The following USH2A variants were observed in gnomAD, a reference collection of about 807,000 sequenced individuals.
USH2A encodes the protein Usher syndrome 2A (autosomal recessive, mild).
Under a neutral mutation model 538.9 loss-of-function variants are expected in USH2A, and 443 were observed. That is an observed-to-expected ratio of 0.82 (90% confidence interval 0.76 to 0.89). USH2A has a LOEUF of 0.89. Ranked by LOEUF, USH2A falls within the 40% of genes least tolerant of loss-of-function variation. USH2A has a pLI of 0.00. For synonymous variants in USH2A, 2,413 were observed against 2,273.5 expected, an observed-to-expected ratio of 1.06 and a Z score of -1.75; for missense variants, 6,633 against 6,324.8, an observed-to-expected ratio of 1.05 and a Z score of -1.65.
At chr1:216,097,285 CT>C in intron 21 of USH2A, 72 bp from the exon 22 acceptor site, 1 of 1,611,042 alleles carries the variant, frequency 6.2e-7, no homozygotes, top group South Asian at 1.1e-5. Context: ...TGTACATTTA[CT>C]TTCATTATTA....
chr1:216,322,077 G>T lies in USH2A; in HGVS notation c.1551-101C>A, dbSNP rs192106325. 9.0e-6 allele frequency: 10 copies of T among 1,108,456 alleles called. 1 individual carries two copies. In the Admixed American group the frequency reaches 1.1e-4, roughly 12 times the overall value. 68.7% of individuals were successfully genotyped at this position (1,108,456 alleles called of 1,614,324 possible). A position where few individuals can be genotyped will look rare whatever the true frequency, so the allele number is the denominator to read the frequency against. On this transcript the variant is annotated intron_variant, in intron 8 of 71. Coordinates refer to ENST00000307340, the MANE Select transcript of USH2A (RefSeq NM_206933.4). ...TGCATTATGTGAATTTAACAGGGAA[G>T]ATTTTTGTATATTTAATTGATACAA... is the stretch of plus-strand genomic sequence containing the variant.
At chr1:215,630,681 C>T (rs1213144617) in intron 70 of USH2A, among the ~76,000 whole-genome samples, 1 of 150,572 alleles carries the variant, frequency 6.6e-6, no homozygotes, top group Admixed American at 6.6e-5. Flanking sequence ...GGTGAAACCC[C>T]GTCTCTACTA....
intron 51 of USH2A, among the ~76,000 whole-genome samples, chr1:215,788,952 A>T (rs898725446): frequency 6.6e-6 from 1 of 152,094 alleles, no homozygotes; most frequent in Non-Finnish European, 1.5e-5. Context: ...AAAACAAAAA[A>T]ACAGGGGAAT....
rs201764770 is a variant in USH2A at position 216,366,582 on chromosome 1, TC to T, written c.652-1498del. Among the ~76,000 whole-genome samples, 20 of 150,268 alleles carry T rather than the reference TC, an allele frequency of 1.3e-4. 1 individual carries two copies. Among genetic ancestry groups the T allele is most frequent in the African/African-American group, 3.9e-4 (16 of 40,892 alleles). On this transcript the variant is annotated intron_variant, in intron 3 of 71. Coordinates refer to ENST00000307340, the MANE Select transcript of USH2A (RefSeq NM_206933.4). ...ATTGCCTTAAAAATCTTTTTCAATG[TC>T]CCCCCCCAAAAAAACAAGCAAAACA... is the stretch of plus-strand genomic sequence containing the variant.
chr1:215,902,432 C>T (rs1017052101), intron 38 of USH2A, among the ~76,000 whole-genome samples: 1 of 152,156 alleles, frequency 6.6e-6, no homozygotes, highest in Admixed American at 6.6e-5. Context: ...AGGCTCCACT[C>T]TGTGCTAAGC....
In USH2A at chr1:216,187,102, G is replaced by A. The variant is rs188731148; in HGVS notation, c.4396+3121C>T. Among the ~76,000 whole-genome samples, 368 of 152,012 alleles carry A rather than the reference G, an allele frequency of 2.4e-3. 1 individual carries two copies. Among genetic ancestry groups the A allele is most frequent in the Non-Finnish European group, 3.9e-3 (263 of 67,910 alleles). ...TTGTATGTGCTCAGTAAATATCTGCGAAAGTCTTTACCATTCTTTTATAGT... is the reference window on the plus strand; with the variant it reads ...TTGTATGTGCTCAGTAAATATCTGCAAAAGTCTTTACCATTCTTTTATAGT... On this transcript the variant is annotated intron_variant, in intron 20 of 71. Transcript: ENST00000307340.
intron 60 of USH2A, among the ~76,000 whole-genome samples, chr1:215,739,501 C>T (rs1489149369): frequency 1.3e-5 from 2 of 152,128 alleles, no homozygotes; most frequent in Non-Finnish European, 2.9e-5. Flanking sequence ...TCCCTTTATT[C>T]TGAATAGGAA....
At chr1:216,403,447 G>C (rs56001063) in intron 3 of USH2A, among the ~76,000 whole-genome samples, 5,251 of 151,914 alleles carry the variant, frequency 0.035, 127 homozygotes, top group Middle Eastern at 0.078. Flanking sequence ...TAAGGAAAAA[G>C]AAATAAAAAC....
At chr1:215,642,714 C>T (rs563565678) in intron 67 of USH2A, among the ~76,000 whole-genome samples, 2 of 152,166 alleles carry the variant, frequency 1.3e-5, no homozygotes, top group Non-Finnish European at 2.9e-5. Flanking sequence ...TATAATGATA[C>T]GCTACAACCC....
chr1:215,627,425 C>CTTCCTTCCTTCTTTCCTTCCTTCT (rs1558027365), intron 71 of USH2A, among the ~76,000 whole-genome samples: 108 of 105,848 alleles, frequency 1.0e-3, no homozygotes, highest in Non-Finnish European at 1.4e-3. Context: ...TCCTTCCTTC[C>CTTCCTTCCTTCTTTCCTTCCTTCT]TTCCTTCCTT....
Position 216,062,207 on chromosome 1 carries a change from C to T in USH2A, c.6049+7894G>A, listed in dbSNP as rs116417611. On this transcript the variant is annotated intron_variant, in intron 30 of 71. Coordinates refer to ENST00000307340, the MANE Select transcript of USH2A (RefSeq NM_206933.4). ...AGAAACTTGTAAAATTTAAAAATCA[C>T]GAGTTGCATGCCATTAATTAGATCT... 2.4e-3 allele frequency among the ~76,000 whole-genome samples: 358 copies of T among 152,176 alleles called. 2 individuals carry two copies. Among genetic ancestry groups the T allele is most frequent in the African/African-American group, 8.2e-3 (341 of 41,530 alleles).
chr1:215,626,230 T>A (rs929967243), intron 71 of USH2A, among the ~76,000 whole-genome samples: 4 of 150,004 alleles, frequency 2.7e-5, no homozygotes, highest in South Asian at 2.1e-4. Context: ...ATATATATAT[T>A]TTTAGTATAT....
intron 48 of USH2A, among the ~76,000 whole-genome samples, chr1:215,815,020 AG>A (rs1389244402): frequency 6.6e-6 from 1 of 152,092 alleles, no homozygotes; most frequent in African/African-American, 2.4e-5. Context: ...TTAGCCAAAA[AG>A]CTTTTAAACC....
At chr1:215,644,522 A>G (rs1656787118) in intron 67 of USH2A, among the ~76,000 whole-genome samples, 1 of 152,226 alleles carries the variant, frequency 6.6e-6, no homozygotes, top group South Asian at 2.1e-4. Flanking sequence ...CAGCGGAAGA[A>G]GATCAACCAA....
chr1:216,304,217 C>T (rs2037271126), intron 9 of USH2A, among the ~76,000 whole-genome samples: 1 of 151,974 alleles, frequency 6.6e-6, no homozygotes. Context: ...GTCCTGTTTT[C>T]CACAAGGAAT....
chr1:216,375,674 C>G (rs531457001), intron 3 of USH2A, among the ~76,000 whole-genome samples: 1 of 152,072 alleles, frequency 6.6e-6, no homozygotes, highest in African/African-American at 2.4e-5. Context: ...TTTAATTTTC[C>G]CTCAAGAAAT....
At chr1:215,973,970 A>AC (rs58839750) in intron 35 of USH2A, among the ~76,000 whole-genome samples, 16 of 151,306 alleles carry the variant, frequency 1.1e-4, no homozygotes, top group African/African-American at 3.6e-4. Flanking sequence ...ACACACACAC[A>AC]AACACAGAGT....
In USH2A at chr1:216,175,456, C is replaced by T; in HGVS notation, c.4423G>A (p.Val1475Ile). ...AAPAQLRPPL[V>I]KGINSTTIHL... is the part of the protein sequence containing the mutation. ...ATTGTTGTGCTGTTGATTCCTTTAA[C>T]CAGAGGTGGCCTCAGTTGTGCTGGT... The change falls in exon 21 of 72, where the codon GTT becomes ATT. Residue 1475 changes from valine to isoleucine, a missense_variant. Coordinates refer to ENST00000307340, the MANE Select transcript of USH2A (RefSeq NM_206933.4). The T allele has an allele frequency of 1.2e-6, 2 of 1,613,744 alleles. No homozygotes were observed. The highest frequency in any genetic ancestry group is 1.1e-5 in the South Asian group (1 of 91,078).
Position 216,125,860 on chromosome 1 carries a change from T to C in USH2A, c.4628-28647A>G, listed in dbSNP as rs77770037. Among the ~76,000 whole-genome samples, 881 of 152,312 alleles carry C rather than the reference T, an allele frequency of 5.8e-3. 9 individuals carry two copies. The highest frequency in any genetic ancestry group is 0.02 in the African/African-American group (847 of 41,574). ...AAGGACTAGTTGATATCTTCCTTAA[T>C]TCCTTAATTCAATTAGCTGTCTGGC... On this transcript the variant is annotated intron_variant, in intron 21 of 71. Transcript: ENST00000307340.
Sources: allele counts gnomAD v4.1 joint callset (sites outside exome capture counted in the v4.1 genomes callset), GRCh38; gene constraint gnomAD v4.1.1; transcripts MANE v1.5; gene names NCBI Gene and HGNC (gene_info 2026-07-23, HGNC 2026-07-21).